SCD5: variants seen among roughly 807,000 people sequenced by gnomAD.
The protein encoded by SCD5 is acyl-CoA-desaturase 4.
A neutral mutation model predicts 30.4 loss-of-function variants in SCD5; 20 were observed. The observed-to-expected ratio is 0.66, with a 90% CI of 0.46 to 0.96. SCD5 has a LOEUF of 0.96. Among genes scored for constraint, SCD5 ranks in the 40% least tolerant of loss-of-function variants. SCD5 has a pLI of 0.00. For synonymous variants in SCD5, 173 were observed against 176.4 expected, an observed-to-expected ratio of 0.98 and a Z score of 0.16; for missense variants, 381 against 443.3, an observed-to-expected ratio of 0.86 and a Z score of 1.26.
chr4:82,780,276 GTCCT>G (rs910560267), intron 1 of SCD5, among the ~76,000 whole-genome samples: 1 of 152,148 alleles, frequency 6.6e-6, no homozygotes, highest in Non-Finnish European at 1.5e-5. Context: ...CCATGCAGGT[GTCCT>G]TGACCACTCT....
intron 2 of SCD5, among the ~76,000 whole-genome samples, chr4:82,682,997 G>A (rs1407066765): frequency 6.6e-6 from 1 of 152,090 alleles, no homozygotes; most frequent in Non-Finnish European, 1.5e-5. Flanking sequence ...TCTATTTTTA[G>A]TGGAGATGGG....
chr4:82,769,736 A>G (rs1449626381), intron 1 of SCD5, among the ~76,000 whole-genome samples: 3 of 152,192 alleles, frequency 2.0e-5, no homozygotes, highest in Non-Finnish European at 4.4e-5. Context: ...AAGGGTCCCA[A>G]TGTCTCTGAC....
intron 1 of SCD5, among the ~76,000 whole-genome samples, chr4:82,744,650 C>T (rs1720946745): frequency 1.3e-5 from 2 of 152,018 alleles, no homozygotes; most frequent in South Asian, 4.1e-4. Context: ...GATGGGTTGG[C>T]AGAACTTATG....
At chr4:82,722,250 T>G (rs1720383541) in intron 1 of SCD5, among the ~76,000 whole-genome samples, 1 of 152,074 alleles carries the variant, frequency 6.6e-6, no homozygotes, top group South Asian at 2.1e-4. Flanking sequence ...AAATATGGAG[T>G]AGAAGGAATT....
At chr4:82,680,347 G>A (rs1728541291) in intron 3 of SCD5, among the ~76,000 whole-genome samples, 1 of 152,168 alleles carries the variant, frequency 6.6e-6, no homozygotes, top group African/African-American at 2.4e-5. Flanking sequence ...AGAGTCAAGT[G>A]TGTCACTAAA....
At chr4:82,687,909 T>C (rs1433304835) in intron 2 of SCD5, among the ~76,000 whole-genome samples, 1 of 152,182 alleles carries the variant, frequency 6.6e-6, no homozygotes, top group Non-Finnish European at 1.5e-5. Flanking sequence ...ACACTGTCTT[T>C]TAAGGCCCAC....
chr4:82,636,531 G>C (rs1041820425), intron 4 of SCD5, 60 bp downstream of exon 4: 43 of 1,335,936 alleles, frequency 3.2e-5, no homozygotes, highest in Non-Finnish European at 4.5e-5. Context: ...CAAAACTACT[G>C]AGAGGCCAAG....
chr4:82,744,030 T>C (rs1200635346), intron 1 of SCD5, among the ~76,000 whole-genome samples: 2 of 152,246 alleles, frequency 1.3e-5, no homozygotes, highest in East Asian at 3.9e-4. Flanking sequence ...CTCTCCATGT[T>C]GCCCAGGCTG....
In SCD5 at chr4:82,741,621, C is replaced by A. The variant is rs898550427; in HGVS notation, c.233-36208G>T. ...CTGGCTGGTAGGCAGCAATAGAGAA[C>A]TAAAACACACACTTTTGCCTTTGTC... is the stretch of plus-strand genomic sequence containing the variant. On this transcript the variant is annotated intron_variant, in intron 1 of 4. Transcript: ENST00000319540. Among the ~76,000 whole-genome samples, 13 of 152,092 alleles carry A rather than the reference C, an allele frequency of 8.5e-5. No homozygotes were observed. In the East Asian group the frequency reaches 2.5e-3, roughly 29 times the overall value.
chr4:82,717,903 G>C (rs1003031965), intron 1 of SCD5, among the ~76,000 whole-genome samples: 1 of 151,020 alleles, frequency 6.6e-6, no homozygotes, highest in Non-Finnish European at 1.5e-5. Flanking sequence ...GCGACAGAGT[G>C]AGATTCCCTC....
chr4:82,720,969 C>T (rs7667985), intron 1 of SCD5, among the ~76,000 whole-genome samples: 169 of 152,136 alleles, frequency 1.1e-3, no homozygotes, highest in African/African-American at 2.8e-3. Context: ...CTGGGCAAAA[C>T]GGCAAGACCC....
chr4:82,713,152 C>T (rs1468499969), intron 1 of SCD5, among the ~76,000 whole-genome samples: 1 of 152,190 alleles, frequency 6.6e-6, no homozygotes, highest in Non-Finnish European at 1.5e-5. Flanking sequence ...CAACTGCCCA[C>T]ATCTAGGAAG....
At chr4:82,637,979 T>C (rs909393965) in intron 3 of SCD5, among the ~76,000 whole-genome samples, 1 of 152,172 alleles carries the variant, frequency 6.6e-6, no homozygotes, top group Non-Finnish European at 1.5e-5. Context: ...ATCGCCTATT[T>C]ATCCTGATGC....
At chr4:82,711,243 T>C (rs1720078495) in intron 1 of SCD5, among the ~76,000 whole-genome samples, 1 of 151,908 alleles carries the variant, frequency 6.6e-6, no homozygotes, top group South Asian at 2.1e-4. Context: ...AAACTTGTGG[T>C]TCTGATGAGG....
At chr4:82,787,192 T>G (rs186011125) in intron 1 of SCD5, among the ~76,000 whole-genome samples, 33 of 152,310 alleles carry the variant, frequency 2.2e-4, no homozygotes, top group Admixed American at 2.1e-3. Flanking sequence ...ATCAGTGAGA[T>G]TCTGTGTCAC....
chr4:82,723,716 C>A (rs1230689159), intron 1 of SCD5, among the ~76,000 whole-genome samples: 3 of 152,216 alleles, frequency 2.0e-5, no homozygotes, highest in African/African-American at 4.8e-5. Context: ...CGGTAAGACT[C>A]ACCTCGCAGT....
At chr4:82,749,311 C>A (rs1358844881) in intron 1 of SCD5, among the ~76,000 whole-genome samples, 1 of 152,120 alleles carries the variant, frequency 6.6e-6, no homozygotes, top group African/African-American at 2.4e-5. Context: ...ACACCAAATC[C>A]CAGTCCGGGG....
rs568096952 is a variant in SCD5, at chr4:82,755,615, G to A, written c.232+42691C>T. Among the ~76,000 whole-genome samples, 3 of 152,316 alleles carry A rather than the reference G, an allele frequency of 2.0e-5. No homozygotes were observed. In the East Asian group the frequency reaches 5.8e-4, roughly 29 times the overall value. ...ACTTCAGAGTCCCTTGGTCAAACAG[G>A]CAGAAAAGAAGGCAGCATTAAACAA... On this transcript the variant is annotated intron_variant, in intron 1 of 4. Transcript: ENST00000319540.
chr4:82,711,964 C>T (rs1325880939), intron 1 of SCD5, among the ~76,000 whole-genome samples: 2 of 151,714 alleles, frequency 1.3e-5, no homozygotes, highest in East Asian at 3.9e-4. Context: ...ATCACTGATT[C>T]TCACATTTTC....
Sources: gnomAD v4.1 joint callset for allele counts (sites outside exome capture counted in the v4.1 genomes callset) on GRCh38, gnomAD v4.1.1 for gene constraint, MANE v1.5 for transcripts, NCBI Gene and HGNC (gene_info 2026-07-23, HGNC 2026-07-21) for gene names.